SMURF2: variants seen among roughly 807,000 people sequenced by gnomAD.
SMURF2 encodes the protein E3 ubiquitin-protein ligase SMURF2.
Under a neutral mutation model 109.6 loss-of-function variants are expected in SMURF2, and 48 were observed. The observed-to-expected ratio is 0.44, with a 90% CI of 0.35 to 0.56. The LOEUF is 0.56. Among genes scored for constraint, SMURF2 ranks in the 20% least tolerant of loss-of-function variants. The probability of loss-of-function intolerance (pLI) is 0.01; values close to 1 mark genes in which losing one functional copy is unlikely to be tolerated. For synonymous variants in SMURF2, 288 were observed against 317.1 expected, an observed-to-expected ratio of 0.91 and a Z score of 0.97; for missense variants, 575 against 909.0, an observed-to-expected ratio of 0.63 and a Z score of 4.72.
chr17:64,598,951 A>G (rs1199404698), intron 2 of SMURF2, among the ~76,000 whole-genome samples: 2 of 152,222 alleles, frequency 1.3e-5, no homozygotes, highest in Non-Finnish European at 2.9e-5. Context: ...GTTTTGCTGA[A>G]TAACTACCAG....
At chr17:64,568,543 T>C in intron 10 of SMURF2, among the ~76,000 whole-genome samples, 1 of 152,086 alleles carries the variant, frequency 6.6e-6, no homozygotes, top group East Asian at 1.9e-4. Context: ...CAAAAATAAA[T>C]GGGATACACG....
At chr17:64,644,325 T>G (rs1183508864) in intron 1 of SMURF2, among the ~76,000 whole-genome samples, 1 of 151,940 alleles carries the variant, frequency 6.6e-6, no homozygotes, top group Non-Finnish European at 1.5e-5. Flanking sequence ...GGCTCATGCC[T>G]GTACTCCCAA....
intron 1 of SMURF2, among the ~76,000 whole-genome samples, chr17:64,609,427 T>G (rs1046383171): frequency 3.3e-5 from 5 of 152,104 alleles, no homozygotes; most frequent in Admixed American, 3.3e-4. Context: ...AACAAATATA[T>G]AGACCAATGT....
chr17:64,545,716 T>TA lies in SMURF2; in HGVS notation c.*131dup, dbSNP rs1555683029. 7.3e-3 allele frequency: 981 copies of TA among 134,596 alleles called. 30 individuals are homozygous for TA. Among genetic ancestry groups the TA allele is most frequent in the Non-Finnish European group, 8.6e-3 (603 of 70,362 alleles). 8.3% of individuals were successfully genotyped at this position (134,596 alleles called of 1,614,324 possible). ...TTTCCCCTCACAGTGTCCTAAAATG[T>TA]AAAAAAAAAAAAAAAAAGGGGGGGG... is the stretch of plus-strand genomic sequence containing the variant. On this transcript the variant is annotated 3_prime_UTR_variant, in exon 19 of 19. Coordinates refer to ENST00000262435, the MANE Select transcript of SMURF2 (RefSeq NM_022739.4).
At chr17:64,599,760 G>A (rs1219385889) in intron 2 of SMURF2, among the ~76,000 whole-genome samples, 8 of 152,162 alleles carry the variant, frequency 5.3e-5, no homozygotes, top group African/African-American at 1.9e-4. Flanking sequence ...CATGTCCTTG[G>A]AAAAACTGTC....
In SMURF2 at chr17:64,544,322, T is replaced by G. The variant is rs545182462; in HGVS notation, c.*1526A>C. 2 of 152,154 alleles carry G rather than the reference T, an allele frequency of 1.3e-5. No homozygotes were observed. The highest frequency in any genetic ancestry group is 1.3e-4 in the Admixed American group (2 of 15,282). The allele number at this position is 152,154 out of a possible 1,614,324, so 9.4% of individuals were successfully genotyped here. A position where few individuals can be genotyped will look rare whatever the true frequency, so the allele number is the denominator to read the frequency against. On this transcript the variant is annotated 3_prime_UTR_variant, in exon 19 of 19. Coordinates refer to ENST00000262435, the MANE Select transcript of SMURF2 (RefSeq NM_022739.4). ...AGGCACCCCTGAGGAACCCTTTGGC[T>G]CCAAGAACACAGACTGAAACCCACT...
chr17:64,613,743 T>TGTGTGTGTGTGGG (rs1970082164), intron 1 of SMURF2, among the ~76,000 whole-genome samples: 3 of 92,158 alleles, frequency 3.3e-5, no homozygotes, highest in East Asian at 3.2e-4. Flanking sequence ...TGTGTGTGTG[T>TGTGTGTGTGTGGG]GGAGGGGGGG....
intron 12 of SMURF2, among the ~76,000 whole-genome samples, chr17:64,559,873 G>A (rs147384637): frequency 0.054 from 8,103 of 150,952 alleles, 321 homozygotes; most frequent in Admixed American, 0.14. Flanking sequence ...TCAGCCTCCC[G>A]AATAGCTGGG....
chr17:64,586,623 C>CTA (rs1969659830), intron 5 of SMURF2, among the ~76,000 whole-genome samples: 1 of 151,492 alleles, frequency 6.6e-6, no homozygotes, highest in Non-Finnish European at 1.5e-5. Flanking sequence ...TGGTGGTGGG[C>CTA]ACCTGTAGTC....
chr17:64,602,192 CAG>C lies in SMURF2; in HGVS notation c.92-3704_92-3703del, dbSNP rs201033093. Among the ~76,000 whole-genome samples, 917 of 151,832 alleles carry C rather than the reference CAG, an allele frequency of 6.0e-3. 10 individuals carry two copies. Among genetic ancestry groups the C allele is most frequent in the African/African-American group, 0.016 (656 of 41,356 alleles). On this transcript the variant is annotated intron_variant, in intron 2 of 18. Transcript: ENST00000262435. ...GGACTGGGGGAAAGGGTGGGGGTAA[CAG>C]GGGATAAAAGACTATACACTGGGTA...
intron 2 of SMURF2, among the ~76,000 whole-genome samples, chr17:64,600,448 G>T (rs1969879241): frequency 6.6e-6 from 1 of 152,192 alleles, no homozygotes; most frequent in South Asian, 2.1e-4. Context: ...AAGTGTTGGT[G>T]ACTGGAGAAA....
At position 64,662,102 on chromosome 17, in the gene SMURF2, G is replaced by A. The variant is rs1002688375; in HGVS notation, c.-222C>T. The A allele has an allele frequency of 1.2e-5, 13 of 1,058,152 alleles. 1 individual carries two copies. The South Asian group carries it at 3.1e-4, about 25-fold the overall frequency. 65.5% of individuals were successfully genotyped at this position (1,058,152 alleles called of 1,614,324 possible). ...CACTTCTCCTTCCTCGGCCCGGGCC[G>A]CACAACAAAGCGGCAGCCGCGGCCG... On this transcript the variant is annotated 5_prime_UTR_variant, in exon 1 of 19. Coordinates refer to ENST00000262435, the MANE Select transcript of SMURF2 (RefSeq NM_022739.4).
rs139943497 is a variant in SMURF2, at chr17:64,583,471, G to A, written c.559C>T (p.Arg187Cys). The A allele has an allele frequency of 2.7e-5, 44 of 1,612,862 alleles. No homozygotes were observed. In the Middle Eastern group the frequency reaches 8.3e-4, roughly 30 times the overall value. ...TTTGTATGTTCTTACCGTGTTGGGC[G>A]CTCCCATTGCGTAGTTCTTGTTATA... ...NHITRTTQWE[R>C]PTRPASEYSS... is the part of the protein sequence containing the mutation. Residue 187 changes from arginine (R) to cysteine (C), a missense_variant, in exon 7 of 19, where the codon CGC becomes TGC. This residue lies in a region of SMURF2 where 151 missense variants were observed against 178.4 expected (regional missense o/e 0.85). Coordinates refer to ENST00000262435, the MANE Select transcript of SMURF2 (RefSeq NM_022739.4).
intron 9 of SMURF2, 50 bp downstream of exon 9, chr17:64,578,442 G>C (rs782578389): frequency 9.9e-6 from 12 of 1,210,846 alleles, no homozygotes; most frequent in Middle Eastern, 2.0e-4. Context: ...AGAAATCCTA[G>C]GTGAAATGGC....
chr17:64,562,080 G>A (rs1359198970), intron 11 of SMURF2, among the ~76,000 whole-genome samples: 4 of 151,814 alleles, frequency 2.6e-5, no homozygotes, highest in Non-Finnish European at 4.4e-5. Context: ...ATATCACGAG[G>A]TCAAGAGATC....
chr17:64,546,022 T>A, intron 18 of SMURF2, 75 bp from the exon 19 acceptor site: 1 of 976,410 alleles, frequency 1.0e-6, no homozygotes, highest in Non-Finnish European at 1.6e-6. Flanking sequence ...TATACCAGTA[T>A]AGCCACATCA....
rs1248011455 is a variant in SMURF2, at chr17:64,581,756, C to CCAA, written c.570-768_570-766dup. ...GGTCAGGAGTTTGAGACCAGCCTGG[C>CCAA]CAACACAGCGAAACCCCATCTCTAC... On this transcript the variant is annotated intron_variant, in intron 7 of 18. Transcript: ENST00000262435. This position sits in a 1 kb window ranked among gnomAD's most constrained non-coding sequence, Gnocchi z 4.3. Among the ~76,000 whole-genome samples, 2 of 152,040 alleles carry CCAA rather than the reference C, an allele frequency of 1.3e-5. No individual in the cohort carries two copies. Among genetic ancestry groups the CCAA allele is most frequent in the African/African-American group, 4.8e-5 (2 of 41,404 alleles).
intron 7 of SMURF2, 108 bp downstream of exon 7, chr17:64,583,353 G>T: frequency 2.4e-6 from 2 of 834,658 alleles, no homozygotes; most frequent in South Asian, 1.5e-5. Flanking sequence ...ACTGATCTAC[G>T]ACAGCAAAAA....
intron 11 of SMURF2, 105 bp from the exon 12 acceptor site, chr17:64,561,708 G>T: frequency 1.2e-6 from 1 of 828,900 alleles, no homozygotes; most frequent in Non-Finnish European, 1.9e-6. Context: ...TAAATAAGGT[G>T]AAATTTGGCC....
Sources: gnomAD v4.1 joint callset for allele counts (sites outside exome capture counted in the v4.1 genomes callset) on GRCh38, gnomAD v4.1.1 for gene constraint, gnomAD v4.1.1 regional missense constraint, Gnocchi (gnomAD v3.1) non-coding constraint, MANE v1.5 for transcripts, NCBI Gene and HGNC (gene_info 2026-07-23, HGNC 2026-07-21) for gene names.